The following AGPAT4 variants were observed in gnomAD, a reference collection of about 807,000 sequenced individuals.
AGPAT4 encodes 1-acylglycerol-3-phosphate O-acyltransferase 4, also known as 1-acyl-sn-glycerol-3-phosphate acyltransferase delta.
AGPAT4 carries 15 observed loss-of-function variants against 48.0 expected under a neutral mutation model. The observed-to-expected ratio is 0.31, with a 90% CI of 0.21 to 0.48. The LOEUF (loss-of-function observed/expected upper bound fraction) is 0.48. Ranked by LOEUF, AGPAT4 falls within the 20% of genes least tolerant of loss-of-function variation. AGPAT4 has a pLI of 0.99. For missense variants in AGPAT4, 314 were observed against 482.5 expected, an observed-to-expected ratio of 0.65 and a Z score of 3.27; for synonymous variants, 178 against 198.7, an observed-to-expected ratio of 0.90 and a Z score of 0.88.
rs1200866811 is a variant in AGPAT4, at chr6:161,266,993, C to A, written c.-90+6945G>T. On this transcript the variant is annotated intron_variant, in intron 1 of 8. Transcript: ENST00000320285. The surrounding 1 kb of genome is among the most constrained non-coding windows in gnomAD (Gnocchi z 6.2). ...TGCAGATAATAATCTGCCTTTAAAC[C>A]CCGTGGTGGATTTGTGGAAAGTCCA... 6.6e-6 allele frequency among the ~76,000 whole-genome samples: 1 copy of A among 152,100 alleles called. No individual in the cohort carries two copies. Among genetic ancestry groups the A allele is most frequent in the Non-Finnish European group, 1.5e-5 (1 of 68,010 alleles).
intron 1 of AGPAT4, among the ~76,000 whole-genome samples, chr6:161,263,479 A>C (rs1008552196): frequency 6.6e-6 from 1 of 152,216 alleles, no homozygotes; most frequent in African/African-American, 2.4e-5. Context: ...CAACAGAGCG[A>C]GACTCTCTCG....
At chr6:161,258,868 G>C (rs1445689754) in intron 1 of AGPAT4, among the ~76,000 whole-genome samples, 5 of 151,680 alleles carry the variant, frequency 3.3e-5, no homozygotes, top group African/African-American at 1.2e-4. Context: ...CACAATCTAG[G>C]CTCACTGCAA....
intron 2 of AGPAT4, among the ~76,000 whole-genome samples, chr6:161,210,476 T>G (rs1408749294): frequency 1.3e-5 from 2 of 152,208 alleles, no homozygotes; most frequent in Non-Finnish European, 2.9e-5. Context: ...TCTATGTATT[T>G]ATGTGTTGTG....
intron 2 of AGPAT4, among the ~76,000 whole-genome samples, chr6:161,182,357 G>T (rs1780624675): frequency 7.1e-6 from 1 of 140,078 alleles, no homozygotes; most frequent in South Asian, 2.3e-4. Context: ...CCTCACCCCA[G>T]CCCTGCATCC....
At chr6:161,269,779 T>A (rs931884773) in intron 1 of AGPAT4, among the ~76,000 whole-genome samples, 1 of 152,170 alleles carries the variant, frequency 6.6e-6, no homozygotes, top group African/African-American at 2.4e-5. Flanking sequence ...GCCTGAGACA[T>A]GATACTCAAC....
Position 161,143,263 on chromosome 6 carries a change from C to T in AGPAT4, c.843+3261G>A, listed in dbSNP as rs751149883. 1.1e-4 allele frequency among the ~76,000 whole-genome samples: 16 copies of T among 152,110 alleles called. No homozygotes were observed. Among genetic ancestry groups the T allele is most frequent in the African/African-American group, 3.1e-4 (13 of 41,422 alleles). On this transcript the variant is annotated intron_variant, in intron 7 of 8. Coordinates refer to ENST00000320285, the MANE Select transcript of AGPAT4 (RefSeq NM_020133.3). This position sits in a 1 kb window ranked among gnomAD's most constrained non-coding sequence, Gnocchi z 4.7. ...AGTTTGTAAAATTTTTTTGTAGAGA[C>T]GGGTTCCCATTATGTTGCCCAGACT...
Position 161,136,061 on chromosome 6 carries a change from C to G in AGPAT4, c.*479G>C, listed in dbSNP as rs182140592. 6.0e-6 allele frequency: 1 copy of G among 166,110 alleles called. No individual in the cohort carries two copies. Among genetic ancestry groups the G allele is most frequent in the African/African-American group, 2.4e-5 (1 of 41,698 alleles). 10.3% of individuals were successfully genotyped at this position (166,110 alleles called of 1,614,324 possible). A position where few individuals can be genotyped will look rare whatever the true frequency, so the allele number is the denominator to read the frequency against. The stretch of plus-strand genomic sequence containing the variant: ...ATGGAGGGGCAGCGGTCCATGTCAA[C>G]ATACACCACAGATGACCCAGAAAAG... On this transcript the variant is annotated 3_prime_UTR_variant, in exon 9 of 9. Transcript: ENST00000320285.
At chr6:161,160,631 G>C (rs113283241) in intron 3 of AGPAT4, 2 of 235,864 alleles carry the variant, frequency 8.5e-6, no homozygotes, top group South Asian at 1.3e-4. Context: ...GAAGAGGACC[G>C]TGCAGGCTTG....
Position 161,219,839 on chromosome 6 carries a change from A to ATAGATAGATAGG in AGPAT4, c.178+12196_178+12197insCCTATCTATCTA, listed in dbSNP as rs1781761050. On this transcript the variant is annotated intron_variant, in intron 2 of 8. Transcript: ENST00000320285. This position sits in a 1 kb window ranked among gnomAD's most constrained non-coding sequence, Gnocchi z 4.9. ...AAGATAGACAGAGATAGATAGATAG[A>ATAGATAGATAGG]TAGATAGATAGATAGATAGATAGAT... Among the ~76,000 whole-genome samples the ATAGATAGATAGG allele has an allele frequency of 2.0e-4, 21 of 104,104 alleles. No homozygotes were observed. The highest frequency in any genetic ancestry group is 6.4e-4 in the African/African-American group (14 of 21,892). 68.3% of individuals were successfully genotyped at this position (104,104 alleles called of 152,430 possible).
At position 161,204,955 on chromosome 6, in the gene AGPAT4, A is replaced by ATAAAC. The variant is rs1781340880; in HGVS notation, c.178+27080_178+27081insGTTTA. Among the ~76,000 whole-genome samples, 1 of 152,212 alleles carries ATAAAC rather than the reference A, an allele frequency of 6.6e-6. No homozygotes were observed. The highest frequency in any genetic ancestry group is 1.9e-4 in the East Asian group (1 of 5,184). On this transcript the variant is annotated intron_variant, in intron 2 of 8. Coordinates refer to ENST00000320285, the MANE Select transcript of AGPAT4 (RefSeq NM_020133.3). This position sits in a 1 kb window ranked among gnomAD's most constrained non-coding sequence, Gnocchi z 4.4. ...TTTTACAATAAACCGGGTATGAACA[A>ATAAAC]CGACATGACGCTGTTGATGAAAAGA...
At chr6:161,271,067 T>C (rs1051124193) in intron 1 of AGPAT4, among the ~76,000 whole-genome samples, 1 of 152,224 alleles carries the variant, frequency 6.6e-6, no homozygotes, top group African/African-American at 2.4e-5. Flanking sequence ...TGCCTTCTGT[T>C]CAGTCTTCTA....
Position 161,236,752 on chromosome 6 carries a change from A to T in AGPAT4, c.-89-4450T>A, listed in dbSNP as rs914469264. Among the ~76,000 whole-genome samples, 1 of 151,902 alleles carries T rather than the reference A, an allele frequency of 6.6e-6. No individual in the cohort carries two copies. ...TCCACTAAAAATACAAAAAAAAAAAAATAGCTGGATGTGGTGGTGGGTGTC... is the reference window on the plus strand; with the variant it reads ...TCCACTAAAAATACAAAAAAAAAAATATAGCTGGATGTGGTGGTGGGTGTC... On this transcript the variant is annotated intron_variant, in intron 1 of 8. Transcript: ENST00000320285. This position sits in a 1 kb window ranked among gnomAD's most constrained non-coding sequence, Gnocchi z 5.0.
At position 161,215,047 on chromosome 6, in the gene AGPAT4, T is replaced by C. The variant is rs1781608016; in HGVS notation, c.178+16989A>G. On this transcript the variant is annotated intron_variant, in intron 2 of 8. Coordinates refer to ENST00000320285, the MANE Select transcript of AGPAT4 (RefSeq NM_020133.3). The surrounding 1 kb of genome is among the most constrained non-coding windows in gnomAD (Gnocchi z 4.5). ...CTAACAATTTTTTCTTTGGTAGGACTACAAGCTATGTTTTTTATGTGACAT... is the reference window on the plus strand; with the variant it reads ...CTAACAATTTTTTCTTTGGTAGGACCACAAGCTATGTTTTTTATGTGACAT... Among the ~76,000 whole-genome samples, 2 of 152,214 alleles carry C rather than the reference T, an allele frequency of 1.3e-5. No individual in the cohort carries two copies. The highest frequency in any genetic ancestry group is 3.9e-4 in the East Asian group (2 of 5,188).
chr6:161,197,209 G>A lies in AGPAT4; in HGVS notation c.179-30792C>T, dbSNP rs539256363. 7.2e-5 allele frequency among the ~76,000 whole-genome samples: 11 copies of A among 152,192 alleles called. No homozygotes were observed. In the East Asian group the frequency reaches 1.7e-3, roughly 24 times the overall value. On this transcript the variant is annotated intron_variant, in intron 2 of 8. Transcript: ENST00000320285. The surrounding 1 kb of genome is among the most constrained non-coding windows in gnomAD (Gnocchi z 5.7). ...AATGCTTTTCCCTTTGGCCTTCTCCGAACGTTGAATGTGCTAATGGACAGT... is the reference window on the plus strand; with the variant it reads ...AATGCTTTTCCCTTTGGCCTTCTCCAAACGTTGAATGTGCTAATGGACAGT...
rs1258957632 is a variant in AGPAT4, at chr6:161,254,070, AAT to A, written c.-90+19866_-90+19867del. ...GGTGGATGTTTGGGGTTAGTGAGATAATAGGAAATACTCATTTTCTTCTTTAT... is the reference window on the plus strand; with the variant it reads ...GGTGGATGTTTGGGGTTAGTGAGATAAGGAAATACTCATTTTCTTCTTTAT... On this transcript the variant is annotated intron_variant, in intron 1 of 8. Coordinates refer to ENST00000320285, the MANE Select transcript of AGPAT4 (RefSeq NM_020133.3). This position sits in a 1 kb window ranked among gnomAD's most constrained non-coding sequence, Gnocchi z 5.9. Among the ~76,000 whole-genome samples the A allele has an allele frequency of 1.1e-4, 17 of 152,228 alleles. No individual in the cohort carries two copies. The highest frequency in any genetic ancestry group is 4.1e-4 in the African/African-American group (17 of 41,472).
chr6:161,153,933 GGTCATACACGGCCCCACA>G (rs1200396166), intron 4 of AGPAT4, among the ~76,000 whole-genome samples, 198 bp downstream of exon 4: 5 of 150,740 alleles, frequency 3.3e-5, no homozygotes, highest in African/African-American at 1.2e-4. Context: ...ACGGCCCCAT[GGTCATACACGGCCCCACA>G]GTCATACGTG....
chr6:161,257,945 C>T (rs985427427), intron 1 of AGPAT4, among the ~76,000 whole-genome samples: 1 of 152,182 alleles, frequency 6.6e-6, no homozygotes, highest in Non-Finnish European at 1.5e-5. Flanking sequence ...TCTCAACTGA[C>T]TCACCCAGTA....
In AGPAT4 at chr6:161,131,063, A is replaced by G; in HGVS notation, c.*5477T>C. On this transcript the variant is annotated 3_prime_UTR_variant, in exon 9 of 9. Transcript: ENST00000320285. ...TCTTAACTTTGTGTACATACCACTC[A>G]CCTCCCTTAAAATTCAGCAGAACCA... 3.3e-6 allele frequency: 1 copy of G among 300,628 alleles called. No individual in the cohort carries two copies. Among genetic ancestry groups the G allele is most frequent in the Non-Finnish European group, 6.9e-6 (1 of 144,032 alleles). 18.6% of individuals were successfully genotyped at this position (300,628 alleles called of 1,614,324 possible).
rs775139957 is a variant in AGPAT4 at position 161,226,049 on chromosome 6, G to A, written c.178+5987C>T. ...CAGCCGGTTACTGAACCCTCTTCTG[G>A]GAAGGCGATCACCATCTGGGAACTG... is the stretch of plus-strand genomic sequence containing the variant. On this transcript the variant is annotated intron_variant, in intron 2 of 8. Coordinates refer to ENST00000320285, the MANE Select transcript of AGPAT4 (RefSeq NM_020133.3). The surrounding 1 kb of genome is among the most constrained non-coding windows in gnomAD (Gnocchi z 6.3). 3.3e-5 allele frequency among the ~76,000 whole-genome samples: 5 copies of A among 152,142 alleles called. No individual in the cohort carries two copies. The highest frequency in any genetic ancestry group is 7.3e-5 in the Non-Finnish European group (5 of 68,030).
Sources: gnomAD v4.1 joint callset for allele counts (sites outside exome capture counted in the v4.1 genomes callset) on GRCh38, gnomAD v4.1.1 for gene constraint, Gnocchi (gnomAD v3.1) non-coding constraint, MANE v1.5 for transcripts, NCBI Gene and HGNC (gene_info 2026-07-23, HGNC 2026-07-21) for gene names.